The following DLG2 variants were observed in gnomAD, a reference collection of about 807,000 sequenced individuals.
The protein encoded by DLG2 is disks large homolog 2.
Under a neutral mutation model 132.5 loss-of-function variants are expected in DLG2, and 45 were observed. That is an observed-to-expected ratio of 0.34 (90% CI 0.27 to 0.44). The LOEUF (loss-of-function observed/expected upper bound fraction) is 0.44. DLG2 is among the 20% of genes least tolerant of loss of function. The pLI, the probability that DLG2 is intolerant of heterozygous loss-of-function variation, is 1.00. For missense variants in DLG2, 1,045 were observed against 1,196.9 expected, an observed-to-expected ratio of 0.87 and a Z score of 1.87; for synonymous variants, 424 against 419.6, an observed-to-expected ratio of 1.01 and a Z score of -0.13.
At chr11:85,503,686 C>G (rs978218767) in intron 3 of DLG2, among the ~76,000 whole-genome samples, 1 of 152,054 alleles carries the variant, frequency 6.6e-6, no homozygotes, top group Non-Finnish European at 1.5e-5. Context: ...AATCCCAACA[C>G]CTTGGGAGCC....
chr11:84,027,937 G>A (rs1269759430), intron 11 of DLG2, among the ~76,000 whole-genome samples: 1 of 151,762 alleles, frequency 6.6e-6, no homozygotes, highest in East Asian at 1.9e-4. Context: ...ATGTACAGAA[G>A]GACAATTGAC....
intron 7 of DLG2, among the ~76,000 whole-genome samples, chr11:84,308,569 C>T (rs1022547538): frequency 2.5e-4 from 38 of 152,312 alleles, no homozygotes; most frequent in African/African-American, 8.4e-4. Flanking sequence ...AGCCCTTGGG[C>T]GGTCAATGGG....
chr11:84,805,220 C>A (rs1159595952), intron 6 of DLG2, among the ~76,000 whole-genome samples: 3 of 152,096 alleles, frequency 2.0e-5, no homozygotes, highest in Non-Finnish European at 2.9e-5. Context: ...TATTGAGGAG[C>A]CATGCCCCCT....
At chr11:85,088,907 T>A (rs868405196) in intron 6 of DLG2, among the ~76,000 whole-genome samples, 17 of 152,172 alleles carry the variant, frequency 1.1e-4, no homozygotes, top group African/African-American at 3.6e-4. Context: ...TTCAGTAACA[T>A]TAAACCAATC....
chr11:84,321,666 G>A (rs2098405540), intron 7 of DLG2, among the ~76,000 whole-genome samples: 1 of 152,090 alleles, frequency 6.6e-6, no homozygotes. Context: ...TGCATCAAGA[G>A]GCAACTCCCC....
At chr11:84,001,867 A>G (rs1293207936) in intron 11 of DLG2, among the ~76,000 whole-genome samples, 1 of 152,172 alleles carries the variant, frequency 6.6e-6, no homozygotes, top group East Asian at 1.9e-4. Flanking sequence ...AGAAATTAAG[A>G]TGAAAATCAA....
intron 6 of DLG2, among the ~76,000 whole-genome samples, chr11:84,603,148 C>T (rs1296434516): frequency 6.6e-6 from 1 of 151,846 alleles, no homozygotes; most frequent in African/African-American, 2.4e-5. Context: ...TCATGGTTCT[C>T]CTAGAGGACA....
intron 7 of DLG2, among the ~76,000 whole-genome samples, chr11:84,402,031 A>G (rs930506876): frequency 6.6e-6 from 1 of 152,248 alleles, no homozygotes; most frequent in Non-Finnish European, 1.5e-5. Context: ...TTTAATGTCA[A>G]AAATGAAATG....
chr11:84,773,783 T>C (rs1216875428), intron 6 of DLG2, among the ~76,000 whole-genome samples: 1 of 152,124 alleles, frequency 6.6e-6, no homozygotes. Flanking sequence ...TAAAGGAACA[T>C]ACCTCAAAAT....
intron 4 of DLG2, among the ~76,000 whole-genome samples, chr11:85,230,636 A>T (rs2075249233): frequency 6.6e-6 from 1 of 151,678 alleles, no homozygotes; most frequent in Admixed American, 6.6e-5. Context: ...TATTCCTAAG[A>T]TTTCTCTTTA....
At chr11:83,704,228 G>A (rs1172004624) in intron 18 of DLG2, among the ~76,000 whole-genome samples, 4 of 152,154 alleles carry the variant, frequency 2.6e-5, no homozygotes, top group South Asian at 2.1e-4. Context: ...CATGAAAAAT[G>A]TTTGTAACAT....
chr11:83,599,501 AG>A (rs2058172306), intron 19 of DLG2, among the ~76,000 whole-genome samples: 1 of 152,196 alleles, frequency 6.6e-6, no homozygotes, highest in Non-Finnish European at 1.5e-5. Flanking sequence ...AGATCCAAAA[AG>A]CATCTTAGGT....
At chr11:83,596,190 C>A (rs2057547473) in intron 19 of DLG2, among the ~76,000 whole-genome samples, 2 of 152,128 alleles carry the variant, frequency 1.3e-5, no homozygotes, top group South Asian at 4.2e-4. Flanking sequence ...TCAAAGTTGG[C>A]TTCAATGATC....
chr11:84,373,265 C>CAA (rs59038372), intron 7 of DLG2, among the ~76,000 whole-genome samples: 1,427 of 97,970 alleles, frequency 0.015, 38 homozygotes, highest in Middle Eastern at 0.049. Flanking sequence ...AAAAAAAAAA[C>CAA]AAAACAAAAA....
At position 83,852,355 on chromosome 11, in the gene DLG2, A is replaced by G. The variant is rs144828907; in HGVS notation, c.1566-18585T>C. Among the ~76,000 whole-genome samples, 5 of 152,362 alleles carry G rather than the reference A, an allele frequency of 3.3e-5. No homozygotes were observed. In the East Asian group the frequency reaches 9.6e-4, roughly 29 times the overall value. On this transcript the variant is annotated intron_variant, in intron 16 of 27. Transcript: ENST00000376104. ...CAGAAAATGGATTTGAAATAAAAGT[A>G]TAATCATACCAGTGCAGTTTTGGGA...
At chr11:84,317,247 C>T (rs1421635409) in intron 7 of DLG2, 1 of 1,506,922 alleles carries the variant, frequency 6.6e-7, no homozygotes, top group Non-Finnish European at 8.8e-7. Context: ...TTTTTTCCAC[C>T]GTGGATTCCT....
rs111337384 is a variant in DLG2, at chr11:84,592,723, C to T, written c.358-57992G>A. ...CCGACAAACATGAAAAAAAGCTCAT[C>T]ATCACTGGTCATGAGAGAAAGGCAA... On this transcript the variant is annotated intron_variant, in intron 6 of 27. Transcript: ENST00000376104. 9.9e-5 allele frequency among the ~76,000 whole-genome samples: 15 copies of T among 151,786 alleles called. 1 individual carries two copies. The highest frequency in any genetic ancestry group is 3.6e-4 in the African/African-American group (15 of 41,412).
chr11:85,154,527 G>C (rs1398854996), intron 5 of DLG2, 29 bp downstream of exon 5: 4 of 1,104,164 alleles, frequency 3.6e-6, no homozygotes, highest in Non-Finnish European at 5.3e-6. Flanking sequence ...ATGAAGCCTA[G>C]TAAGAAAAGA....
At chr11:85,596,266 G>A (rs1194498377) in intron 3 of DLG2, among the ~76,000 whole-genome samples, 1 of 152,152 alleles carries the variant, frequency 6.6e-6, no homozygotes, top group Non-Finnish European at 1.5e-5. Context: ...GCACGCACCT[G>A]TAATCCCAGC....
Sources: gnomAD v4.1 joint callset for allele counts (sites outside exome capture counted in the v4.1 genomes callset) on GRCh38, gnomAD v4.1.1 for gene constraint, MANE v1.5 for transcripts, NCBI Gene and HGNC (gene_info 2026-07-23, HGNC 2026-07-21) for gene names.